Variants in HDLBP observed in about 807,000 individuals in gnomAD.
HDLBP encodes the protein vigilin.
HDLBP carries 30 observed loss-of-function variants against 137.3 expected under a neutral mutation model. The observed-to-expected ratio is 0.22, with a 90% CI of 0.16 to 0.30. The LOEUF is 0.30. Ranked by LOEUF, HDLBP falls within the 10% of genes least tolerant of loss-of-function variation. HDLBP has a pLI of 1.00. For synonymous variants in HDLBP, 606 were observed against 596.0 expected (o/e 1.02, Z -0.24); for missense variants, 1,119 against 1,667.3 (o/e 0.67, Z 5.73).
intron 1 of HDLBP, among the ~76,000 whole-genome samples, chr2:241,282,442 C>T (rs2074642832): frequency 6.6e-6 from 1 of 152,252 alleles, no homozygotes; most frequent in South Asian, 2.1e-4. Flanking sequence ...TTTAAAACAT[C>T]AATATTCTTT....
At chr2:241,291,661 T>G (rs2075016962) in intron 1 of HDLBP, among the ~76,000 whole-genome samples, 2 of 152,234 alleles carry the variant, frequency 1.3e-5, no homozygotes, top group Admixed American at 1.3e-4. Context: ...AGAAAAATCT[T>G]CACTTTATAA....
rs192061799 is a variant in HDLBP at position 241,259,370 on chromosome 2, G to A, written c.451-2564C>T. On this transcript the variant is annotated intron_variant, in intron 5 of 27. Coordinates refer to ENST00000310931, the MANE Select transcript of HDLBP (RefSeq NM_005336.6). ...CTCTGAAAGTACTTTATTATATAAC[G>A]TTGACTTTGCAAGCATGTAAATGTT... 2.2e-3 allele frequency among the ~76,000 whole-genome samples: 336 copies of A among 152,268 alleles called. 1 individual carries two copies. Among genetic ancestry groups the A allele is most frequent in the Admixed American group, 5.0e-3 (76 of 15,294 alleles).
chr2:241,247,445 C>T lies in HDLBP; in HGVS notation c.1732-303G>A, dbSNP rs182925090. The T allele has an allele frequency of 4.1e-3, 1,581 of 390,294 alleles. 11 individuals carry two copies. Among genetic ancestry groups the T allele is most frequent in the South Asian group, 8.2e-3 (305 of 37,316 alleles). The allele number at this position is 390,294 out of a possible 1,614,324, so 24.2% of individuals were successfully genotyped here. A position where few individuals can be genotyped will look rare whatever the true frequency, so the allele number is the denominator to read the frequency against. ...CACATGGAGACAGCACGGACCCCTA[C>T]GCTCTGGGCAATTCTGCACTCACGG... On this transcript the variant is annotated intron_variant, in intron 14 of 27. Transcript: ENST00000310931.
chr2:241,235,766 G>T (rs570417300), intron 21 of HDLBP, 172 bp from the exon 22 acceptor site: 94 of 578,180 alleles, frequency 1.6e-4, no homozygotes, highest in Non-Finnish European at 2.6e-4. Context: ...AATAGGAAAA[G>T]ATTTGCATTA....
rs1023611892 is a variant in HDLBP, at chr2:241,229,508, C to T, written c.*93G>A. 7.7e-6 allele frequency: 7 copies of T among 909,564 alleles called. No individual in the cohort carries two copies. Among genetic ancestry groups the T allele is most frequent in the South Asian group, 3.1e-5 (2 of 63,766 alleles). 56.3% of individuals were successfully genotyped at this position (909,564 alleles called of 1,614,324 possible). A position where few individuals can be genotyped will look rare whatever the true frequency, so the allele number is the denominator to read the frequency against. On this transcript the variant is annotated 3_prime_UTR_variant, in exon 28 of 28. Coordinates refer to ENST00000310931, the MANE Select transcript of HDLBP (RefSeq NM_005336.6). ...AAGGGGGAAGAGCGTCAACAATTTACGGAGGGTCCAGCCGCTGGGTCAGAT... is the reference window on the plus strand; with the variant it reads ...AAGGGGGAAGAGCGTCAACAATTTATGGAGGGTCCAGCCGCTGGGTCAGAT...
chr2:241,249,083 G>A (rs558055821), intron 12 of HDLBP, among the ~76,000 whole-genome samples: 40 of 152,252 alleles, frequency 2.6e-4, no homozygotes, highest in Admixed American at 7.2e-4. Flanking sequence ...TATGAGACTG[G>A]GGAATGAGCT....
intron 1 of HDLBP, chr2:241,271,115 G>C: frequency 1.0e-6 from 1 of 985,382 alleles, no homozygotes; most frequent in Non-Finnish European, 1.2e-6. Context: ...TCTCCTCCAA[G>C]GCTCCTTCTG....
chr2:241,234,255 T>C (rs2070133783), intron 23 of HDLBP, among the ~76,000 whole-genome samples: 1 of 152,076 alleles, frequency 6.6e-6, no homozygotes. Flanking sequence ...AGGCAGTGAG[T>C]CACGAGCTTG....
At chr2:241,267,863 G>A in intron 2 of HDLBP, 1 of 985,424 alleles carries the variant, frequency 1.0e-6, no homozygotes, top group Non-Finnish European at 1.2e-6. Flanking sequence ...TGGCCCAAGG[G>A]CGCTGAGTTT....
rs1339736127 is a variant in HDLBP at position 241,272,679 on chromosome 2, A to AC, written c.-102-4139dup. ...CTCCGCGGCCTCCACGTCAGCAGCC[A>AC]CCCCCCACCCCCCCGCCCGGCAGCC... On this transcript the variant is annotated intron_variant, in intron 1 of 27. Transcript: ENST00000310931. The surrounding 1 kb of genome is among the most constrained non-coding windows in gnomAD (Gnocchi z 5.6). 7 of 644,378 alleles carry AC rather than the reference A, an allele frequency of 1.1e-5. No homozygotes were observed. Among genetic ancestry groups the AC allele is most frequent in the South Asian group, 1.6e-4 (2 of 12,802 alleles). 39.9% of individuals were successfully genotyped at this position (644,378 alleles called of 1,614,324 possible).
At chr2:241,246,632 C>T in intron 16 of HDLBP, 120 bp downstream of exon 16, 3 of 964,790 alleles carry the variant, frequency 3.1e-6, no homozygotes, top group Non-Finnish European at 4.7e-6. Context: ...TTGAAAGGTG[C>T]AATCTTCCAC....
rs1304809405 is a variant in HDLBP, at chr2:241,240,821, C to T, written c.2170-699G>A. 1.3e-5 allele frequency among the ~76,000 whole-genome samples: 2 copies of T among 152,168 alleles called. No homozygotes were observed. Among genetic ancestry groups the T allele is most frequent in the African/African-American group, 2.4e-5 (1 of 41,454 alleles). ...GACACCAGTGCTTCTGGCAGACCCA[C>T]GCAGGGGCCCCGAGAAGGGCGCTGC... is the stretch of plus-strand genomic sequence containing the variant. On this transcript the variant is annotated intron_variant, in intron 17 of 27. Coordinates refer to ENST00000310931, the MANE Select transcript of HDLBP (RefSeq NM_005336.6). The surrounding 1 kb of genome is among the most constrained non-coding windows in gnomAD (Gnocchi z 5.5).
At position 241,256,683 on chromosome 2, in the gene HDLBP, G is replaced by C. The variant is rs61757694; in HGVS notation, c.574C>G (p.Pro192Ala). Residue 192 changes from proline (P) to alanine (A), a missense_variant, in exon 6 of 28, where the codon CCC becomes GCC. By Grantham distance (27) the Pro-to-Ala change is conservative. This residue lies in a region of HDLBP where 425 missense variants were observed against 693.9 expected (regional missense o/e 0.61). Transcript: ENST00000310931. ...TKIQIPRPDDPSNQIKITGTK... is the reference protein window; with the variant it reads ...TKIQIPRPDDASNQIKITGTK... Reference sequence around the variant, plus strand: ...CCAGTGATCTTGATCTGATTGCTGGGGTCATCTGGGCGTGGGATCTGGATT... The same window carrying C: ...CCAGTGATCTTGATCTGATTGCTGGCGTCATCTGGGCGTGGGATCTGGATT... 5.4e-4 allele frequency: 872 copies of C among 1,614,196 alleles called. No individual in the cohort carries two copies. Among genetic ancestry groups the C allele is most frequent in the Non-Finnish European group, 6.9e-4 (812 of 1,180,020 alleles).
chr2:241,290,022 T>C (rs529431247), intron 1 of HDLBP, among the ~76,000 whole-genome samples: 1 of 151,934 alleles, frequency 6.6e-6, no homozygotes, highest in Non-Finnish European at 1.5e-5. Context: ...AACCACTTTG[T>C]GTCCATGCAG....
rs992524634 is a variant in HDLBP at position 241,227,807 on chromosome 2, A to G, written c.*1794T>C. 6.6e-6 allele frequency: 1 copy of G among 151,940 alleles called. No individual in the cohort carries two copies. Among genetic ancestry groups the G allele is most frequent in the South Asian group, 2.1e-4 (1 of 4,828 alleles). The allele number at this position is 151,940 out of a possible 1,614,324, so 9.4% of individuals were successfully genotyped here. On this transcript the variant is annotated 3_prime_UTR_variant, in exon 28 of 28. Transcript: ENST00000310931. ...GTTCCAGAACTCATGCAGATGGGGA[A>G]GAGGTGACAGCCCTTCCCCACTGGC...
Position 241,272,457 on chromosome 2 carries a change from G to A in HDLBP, c.-102-3916C>T, listed in dbSNP as rs1355801460. On this transcript the variant is annotated intron_variant, in intron 1 of 27. Coordinates refer to ENST00000310931, the MANE Select transcript of HDLBP (RefSeq NM_005336.6). The surrounding 1 kb of genome is among the most constrained non-coding windows in gnomAD (Gnocchi z 5.6). ...AGGAGGCGGGGGAGCCCAGCTTGCA[G>A]CCAAGAGCGGCCCAGCGGCGCCACC... 1 of 984,792 alleles carries A rather than the reference G, an allele frequency of 1.0e-6. No individual in the cohort carries two copies. Among genetic ancestry groups the A allele is most frequent in the Non-Finnish European group, 1.2e-6 (1 of 829,724 alleles). The allele number at this position is 984,792 out of a possible 1,614,324, so 61.0% of individuals were successfully genotyped here.
intron 21 of HDLBP, chr2:241,236,149 C>T (rs994779979): frequency 4.0e-5 from 8 of 201,708 alleles, no homozygotes; most frequent in Non-Finnish European, 8.1e-5. Flanking sequence ...CTGCTTGTCT[C>T]TCCACGGCAA....
At chr2:241,273,321 C>T (rs1435676377) in intron 1 of HDLBP, 1 of 814,776 alleles carries the variant, frequency 1.2e-6, no homozygotes, top group African/African-American at 1.9e-5. Flanking sequence ...TAAACTATCC[C>T]CACCCGATTC....
chr2:241,250,420 A>G (rs2072036476), intron 11 of HDLBP: 1 of 156,252 alleles, frequency 6.4e-6, no homozygotes, highest in African/African-American at 2.4e-5. Context: ...GACGCCTAAG[A>G]GCCTTGTGGG....
Sources: gnomAD v4.1 joint callset for allele counts (sites outside exome capture counted in the v4.1 genomes callset) on GRCh38, gnomAD v4.1.1 for gene constraint, gnomAD v4.1.1 regional missense constraint, Gnocchi (gnomAD v3.1) non-coding constraint, MANE v1.5 for transcripts, NCBI Gene and HGNC (gene_info 2026-07-23, HGNC 2026-07-21) for gene names.